The following IKZF1 variants were observed in gnomAD, a reference collection of about 807,000 sequenced individuals.
IKZF1 encodes DNA-binding protein Ikaros.
IKZF1 carries 10 observed loss-of-function variants against 51.7 expected under a neutral mutation model. The ratio of observed to expected loss-of-function variants is 0.19; its 90% CI spans 0.12 to 0.33. IKZF1 has a LOEUF of 0.33. Among genes scored for constraint, IKZF1 ranks in the 10% least tolerant of loss-of-function variants. The pLI is 1.00. For synonymous variants in IKZF1, 280 were observed against 282.3 expected, an observed-to-expected ratio of 0.99 and a Z score of 0.08; for missense variants, 484 against 707.5, an observed-to-expected ratio of 0.68 and a Z score of 3.58.
chr7:50,335,744 T>C (rs1797611314), intron 3 of IKZF1, among the ~76,000 whole-genome samples: 1 of 151,836 alleles, frequency 6.6e-6, no homozygotes, highest in Admixed American at 6.6e-5. Flanking sequence ...GTGTGGTGTG[T>C]ATGTGTGTAT....
intron 3 of IKZF1, among the ~76,000 whole-genome samples, chr7:50,342,917 GCA>G (rs1301492266): frequency 4.6e-5 from 7 of 152,154 alleles, no homozygotes; most frequent in Admixed American, 4.6e-4. Context: ...ATCCAAAAAG[GCA>G]CAGATTCGTC....
chr7:50,400,757 T>A lies in IKZF1; in HGVS notation c.*130T>A. On this transcript the variant is annotated 3_prime_UTR_variant, in exon 8 of 8. Coordinates refer to ENST00000331340, the MANE Select transcript of IKZF1 (RefSeq NM_006060.6). This position sits in a 1 kb window ranked among gnomAD's most constrained non-coding sequence, Gnocchi z 5.4. ...AATGTTGTGTTTGGATTTGTAACTG[T>A]TTTTTGTTTTTTGTTTGAGTTGGTT... 1 of 1,175,570 alleles carries A rather than the reference T, an allele frequency of 8.5e-7. No individual in the cohort carries two copies. Among genetic ancestry groups the A allele is most frequent in the Non-Finnish European group, 1.2e-6 (1 of 854,392 alleles). 72.8% of individuals were successfully genotyped at this position (1,175,570 alleles called of 1,614,324 possible). A position where few individuals can be genotyped will look rare whatever the true frequency, so the allele number is the denominator to read the frequency against.
chr7:50,373,708 T>G (rs901143583), intron 3 of IKZF1, among the ~76,000 whole-genome samples: 1 of 152,230 alleles, frequency 6.6e-6, no homozygotes, highest in African/African-American at 2.4e-5. Context: ...AGCCTCATTG[T>G]GTTTCCAGAG....
chr7:50,377,168 T>G, intron 4 of IKZF1: 1 of 194,264 alleles, frequency 5.1e-6, no homozygotes, highest in Non-Finnish European at 1.1e-5. Context: ...CACCAAAACT[T>G]ACTCCTCAAA....
intron 3 of IKZF1, among the ~76,000 whole-genome samples, chr7:50,355,710 A>G (rs548110756): frequency 1.3e-5 from 2 of 152,392 alleles, no homozygotes; most frequent in South Asian, 4.1e-4. Flanking sequence ...ACAGATATTC[A>G]GCAGTTTCCT....
intron 1 of IKZF1, among the ~76,000 whole-genome samples, chr7:50,317,203 G>A (rs1298479822): frequency 6.6e-6 from 1 of 152,194 alleles, no homozygotes; most frequent in African/African-American, 2.4e-5. Flanking sequence ...TGTTGTTATA[G>A]TTGCTGTGAC....
intron 3 of IKZF1, among the ~76,000 whole-genome samples, chr7:50,340,626 C>A (rs1351340078): frequency 6.6e-6 from 1 of 152,222 alleles, no homozygotes; most frequent in African/African-American, 2.4e-5. Flanking sequence ...ATTCTTGGAA[C>A]CTGGCAGAAT....
Position 50,400,066 on chromosome 7 carries a change from G to T in IKZF1, c.999G>T (p.Thr333=). 1 of 1,595,068 alleles carries T rather than the reference G, an allele frequency of 6.3e-7. No homozygotes were observed. ...GAESLRPLVQ[T]PPGGSEVVPV... ...AGTCCCTGCGCCCGCTGGTGCAGAC[G>T]CCCCCGGGCGGTTCCGAGGTGGTCC... is the stretch of plus-strand genomic sequence containing the variant. The change falls in exon 8 of 8, where the codon ACG becomes ACT. Residue 333 remains threonine (T), a synonymous_variant. Transcript: ENST00000331340. The surrounding 1 kb of genome is among the most constrained non-coding windows in gnomAD (Gnocchi z 5.4).
At chr7:50,344,035 A>G (rs1799746530) in intron 3 of IKZF1, among the ~76,000 whole-genome samples, 1 of 152,068 alleles carries the variant, frequency 6.6e-6, no homozygotes, top group African/African-American at 2.4e-5. Flanking sequence ...CTTTTTCCCC[A>G]AACCCCCAAA....
intron 3 of IKZF1, among the ~76,000 whole-genome samples, chr7:50,360,335 C>T (rs1380499050): frequency 1.3e-5 from 2 of 151,980 alleles, no homozygotes; most frequent in Admixed American, 6.5e-5. Flanking sequence ...GCACAGCCTC[C>T]AGAGTTCTCT....
chr7:50,315,471 C>A (rs1030915939), intron 1 of IKZF1, among the ~76,000 whole-genome samples: 3 of 152,216 alleles, frequency 2.0e-5, no homozygotes, highest in African/African-American at 7.2e-5. Context: ...CTGCACTTAT[C>A]TCTGCATCTA....
chr7:50,369,162 A>C (rs1272016775), intron 3 of IKZF1: 1 of 248,462 alleles, frequency 4.0e-6, no homozygotes, highest in East Asian at 5.9e-5. Flanking sequence ...ATTTGTTTAC[A>C]CGTGAGCTTA....
intron 3 of IKZF1, among the ~76,000 whole-genome samples, chr7:50,349,817 G>A (rs1326864315): frequency 6.6e-6 from 1 of 152,092 alleles, no homozygotes; most frequent in Non-Finnish European, 1.5e-5. Flanking sequence ...TCACATTGAG[G>A]GCATTCATGC....
chr7:50,340,387 A>G (rs1280046940), intron 3 of IKZF1, among the ~76,000 whole-genome samples: 1 of 152,066 alleles, frequency 6.6e-6, no homozygotes, highest in African/African-American at 2.4e-5. Context: ...TCACCAGGAG[A>G]TGATTCTGGT....
intron 3 of IKZF1, among the ~76,000 whole-genome samples, chr7:50,350,491 G>C (rs1801579200): frequency 6.6e-6 from 1 of 152,208 alleles, no homozygotes; most frequent in African/African-American, 2.4e-5. Context: ...TTTTGAAAGA[G>C]AGTTTGCTGC....
intron 4 of IKZF1, among the ~76,000 whole-genome samples, chr7:50,381,786 C>T (rs1286535419): frequency 6.6e-6 from 1 of 152,230 alleles, no homozygotes; most frequent in Non-Finnish European, 1.5e-5. Context: ...AATCTCAATG[C>T]AACTCTGACT....
At chr7:50,367,126 G>T (rs1013131369) in intron 3 of IKZF1, among the ~76,000 whole-genome samples, 2 of 152,210 alleles carry the variant, frequency 1.3e-5, no homozygotes, top group Non-Finnish European at 2.9e-5. Flanking sequence ...AAAGAAGGAA[G>T]TTCTGTGGTC....
chr7:50,384,625 G>A (rs1340333031), intron 5 of IKZF1, among the ~76,000 whole-genome samples: 2 of 152,240 alleles, frequency 1.3e-5, no homozygotes, highest in African/African-American at 4.8e-5. Flanking sequence ...CATGTATGGT[G>A]GTCCCACCTG....
chr7:50,337,851 A>G (rs1427398621), intron 3 of IKZF1, among the ~76,000 whole-genome samples: 1 of 152,162 alleles, frequency 6.6e-6, no homozygotes, highest in Non-Finnish European at 1.5e-5. Flanking sequence ...CAGGATATTT[A>G]GCCACCCACA....
Sources: allele counts gnomAD v4.1 joint callset (sites outside exome capture counted in the v4.1 genomes callset), GRCh38; gene constraint gnomAD v4.1.1; non-coding constraint Gnocchi (gnomAD v3.1); transcripts MANE v1.5; gene names NCBI Gene and HGNC (gene_info 2026-07-23, HGNC 2026-07-21).